The following IL1RAPL2 variants were observed in gnomAD, a reference collection of about 807,000 sequenced individuals.
The protein encoded by IL1RAPL2 is interleukin 1 receptor accessory protein like 2, also known as X-linked interleukin-1 receptor accessory protein-like 2.
In IL1RAPL2, 3 loss-of-function variants were observed where a neutral mutation model predicts 44.1. That is an observed-to-expected ratio of 0.07 (90% CI 0.03 to 0.18). The LOEUF is 0.18. IL1RAPL2 is among the 10% of genes least tolerant of loss of function. IL1RAPL2 has a pLI of 1.00. For synonymous variants in IL1RAPL2, 181 were observed against 178.8 expected (o/e 1.01, Z -0.10); for missense variants, 391 against 496.4 (o/e 0.79, Z 2.02).
At chrX:104,933,952 AT>A (rs1924967516) in intron 2 of IL1RAPL2, among the ~76,000 whole-genome samples, 1 of 111,976 alleles carries the variant, frequency 8.9e-6, no homozygotes, top group Non-Finnish European at 1.9e-5. Flanking sequence ...CATATGGAAA[AT>A]TTGCAAATGG....
At chrX:104,894,540 C>A (rs981101153) in intron 2 of IL1RAPL2, among the ~76,000 whole-genome samples, 2 of 111,632 alleles carry the variant, frequency 1.8e-5, no homozygotes, top group African/African-American at 6.5e-5. Flanking sequence ...TTCATTTGAT[C>A]TTCCATCACT....
chrX:105,745,347 A>T (rs921852316), intron 8 of IL1RAPL2, among the ~76,000 whole-genome samples: 1 of 111,539 alleles, frequency 9.0e-6, no homozygotes, highest in African/African-American at 3.3e-5. Context: ...TGGTTCCACA[A>T]CTTTAGGTAT....
At chrX:105,137,080 C>G (rs2033083009) in intron 2 of IL1RAPL2, among the ~76,000 whole-genome samples, 1 of 111,439 alleles carries the variant, frequency 9.0e-6, no homozygotes, top group African/African-American at 3.3e-5. Context: ...AGAAGAGAAT[C>G]TTGATGAAAG....
intron 2 of IL1RAPL2, among the ~76,000 whole-genome samples, chrX:104,739,204 A>G (rs1459067894): frequency 1.8e-5 from 2 of 112,268 alleles, no homozygotes; most frequent in East Asian, 2.8e-4. Context: ...TTGGCATATC[A>G]GGTGGTAAGC....
At chrX:105,058,551 A>C (rs1475739878) in intron 2 of IL1RAPL2, among the ~76,000 whole-genome samples, 2 of 112,429 alleles carry the variant, frequency 1.8e-5, no homozygotes, top group Non-Finnish European at 3.7e-5. Flanking sequence ...TGCTGTCAAT[A>C]AGAGAAAATC....
intron 6 of IL1RAPL2, among the ~76,000 whole-genome samples, chrX:105,697,607 C>T (rs1487890774): frequency 9.0e-6 from 1 of 110,843 alleles, no homozygotes; most frequent in East Asian, 2.9e-4. Flanking sequence ...AGATGAATTC[C>T]AGACCCACCC....
At chrX:105,596,705 A>G (rs898005189) in intron 6 of IL1RAPL2, among the ~76,000 whole-genome samples, 1 of 111,851 alleles carries the variant, frequency 8.9e-6, no homozygotes, top group African/African-American at 3.2e-5. Flanking sequence ...ATGTAGCTCA[A>G]GTTGAATGTT....
At chrX:105,428,614 A>G (rs1291075572) in intron 5 of IL1RAPL2, among the ~76,000 whole-genome samples, 1 of 112,158 alleles carries the variant, frequency 8.9e-6, no homozygotes, top group Non-Finnish European at 1.9e-5. Flanking sequence ...TACAATTTCC[A>G]ACATACATAA....
At chrX:105,366,774 G>T (rs1411272438) in intron 5 of IL1RAPL2, among the ~76,000 whole-genome samples, 1 of 111,286 alleles carries the variant, frequency 9.0e-6, no homozygotes, top group Non-Finnish European at 1.9e-5. Context: ...ATCTGTCCTG[G>T]AATGCTTCGT....
intron 2 of IL1RAPL2, among the ~76,000 whole-genome samples, chrX:105,020,047 G>A (rs2031257239): frequency 9.0e-6 from 1 of 110,922 alleles, no homozygotes; most frequent in Admixed American, 9.7e-5. Flanking sequence ...TCAGGCTGGA[G>A]TGCAGTGGCT....
At chrX:105,027,238 A>G (rs1017270942) in intron 2 of IL1RAPL2, among the ~76,000 whole-genome samples, 3 of 111,762 alleles carry the variant, frequency 2.7e-5, no homozygotes, top group Non-Finnish European at 3.8e-5. Context: ...AACATTGGAG[A>G]AAATCTCCAG....
chrX:105,063,929 G>T (rs2032105458), intron 2 of IL1RAPL2, among the ~76,000 whole-genome samples: 1 of 112,005 alleles, frequency 8.9e-6, no homozygotes, highest in Non-Finnish European at 1.9e-5. Flanking sequence ...GCCACCTGGA[G>T]GTGGGGATGG....
At chrX:104,587,269 C>T (rs1928579631) in intron 1 of IL1RAPL2, among the ~76,000 whole-genome samples, 1 of 111,717 alleles carries the variant, frequency 9.0e-6, no homozygotes, top group African/African-American at 3.3e-5. Flanking sequence ...TAGGGCAGTG[C>T]TTGCTTTGCT....
At chrX:105,337,112 C>A (rs904808399) in intron 5 of IL1RAPL2, among the ~76,000 whole-genome samples, 2 of 112,122 alleles carry the variant, frequency 1.8e-5, no homozygotes, top group Non-Finnish European at 3.8e-5. Context: ...CATATACTCT[C>A]GAGTTCACCA....
chrX:105,046,961 C>A (rs1339806981), intron 2 of IL1RAPL2, among the ~76,000 whole-genome samples: 1 of 109,219 alleles, frequency 9.2e-6, no homozygotes, highest in Non-Finnish European at 1.9e-5. Flanking sequence ...ATTTTAAACC[C>A]CATTCTGCCC....
chrX:104,764,795 A>T (rs1421151695), intron 2 of IL1RAPL2, among the ~76,000 whole-genome samples: 1 of 112,334 alleles, frequency 8.9e-6, no homozygotes, highest in Non-Finnish European at 1.9e-5. Flanking sequence ...ATGCTTTTAC[A>T]TCATCAATTG....
intron 6 of IL1RAPL2, among the ~76,000 whole-genome samples, chrX:105,486,756 A>ATCTATCTG (rs1281815060): frequency 9.1e-6 from 1 of 110,041 alleles, no homozygotes; most frequent in African/African-American, 3.3e-5. Flanking sequence ...CTATCTATCT[A>ATCTATCTG]TCTATCTATC....
intron 2 of IL1RAPL2, among the ~76,000 whole-genome samples, chrX:104,688,961 C>A (rs1173610131): frequency 3.6e-5 from 4 of 111,435 alleles, no homozygotes; most frequent in Non-Finnish European, 7.5e-5. Flanking sequence ...TTAGCCATAT[C>A]TATGGGAAGC....
intron 7 of IL1RAPL2, among the ~76,000 whole-genome samples, chrX:105,720,882 C>T (rs1422868621): frequency 9.2e-6 from 1 of 109,238 alleles, no homozygotes; most frequent in African/African-American, 3.3e-5. Flanking sequence ...CCCCATACCC[C>T]GTTTCCCCAA....
Sources: allele counts gnomAD v4.1 joint callset (sites outside exome capture counted in the v4.1 genomes callset), GRCh38; gene constraint gnomAD v4.1.1; transcripts MANE v1.5; gene names NCBI Gene and HGNC (gene_info 2026-07-23, HGNC 2026-07-21).